TRIM2: variants seen among roughly 807,000 people sequenced by gnomAD.
The protein encoded by TRIM2 is tripartite motif-containing protein 2.
TRIM2 carries 20 observed loss-of-function variants against 75.2 expected under a neutral mutation model. That is an observed-to-expected ratio of 0.27 (90% CI 0.19 to 0.39). The LOEUF (loss-of-function observed/expected upper bound fraction) is 0.39, where lower values mean the gene tolerates loss of function less well. Ranked by LOEUF, TRIM2 falls within the 10% of genes least tolerant of loss-of-function variation. The pLI is 1.00. For missense variants in TRIM2, 660 were observed against 990.8 expected (o/e 0.67, Z 4.48); for synonymous variants, 373 against 388.3 (o/e 0.96, Z 0.46).
chr4:153,295,609 G>C lies in TRIM2; in HGVS notation c.1083G>C (p.Gly361=). The change falls in exon 6 of 12, where the codon GGG becomes GGC. Residue 361 remains glycine, a synonymous_variant. Coordinates refer to ENST00000338700, the MANE Select transcript of TRIM2 (RefSeq NM_015271.5). The surrounding 1 kb of genome is among the most constrained non-coding windows in gnomAD (Gnocchi z 7.2). ...CAGAGACAGTGGCCACGGGCGAGGG[G>C]CTGCGGCAGACCATCATCGGGCAGC... ...VASETVATGE[G]LRQTIIGQPM... 2.5e-6 allele frequency: 4 copies of C among 1,614,006 alleles called. No homozygotes were observed. The highest frequency in any genetic ancestry group is 3.4e-6 in the Non-Finnish European group (4 of 1,180,000).
intron 1 of TRIM2, among the ~76,000 whole-genome samples, chr4:153,237,462 C>T (rs539934141): frequency 4.6e-5 from 7 of 152,132 alleles, no homozygotes; most frequent in Non-Finnish European, 8.8e-5. Context: ...GGGCGGATCA[C>T]GAGGTCAGGA....
intron 3 of TRIM2, among the ~76,000 whole-genome samples, chr4:153,288,220 T>G (rs781575435): frequency 1.2e-4 from 19 of 152,156 alleles, no homozygotes; most frequent in Non-Finnish European, 2.6e-4. Flanking sequence ...GCGGATCACC[T>G]GAGGTCAGGA....
intron 1 of TRIM2, among the ~76,000 whole-genome samples, chr4:153,215,450 G>T (rs530730247): frequency 7.2e-5 from 11 of 152,040 alleles, no homozygotes; most frequent in South Asian, 2.1e-4. Context: ...ACATTTTCTG[G>T]TTTTTGTGGG....
At chr4:153,281,915 C>A (rs1252519028) in intron 3 of TRIM2, among the ~76,000 whole-genome samples, 1 of 152,216 alleles carries the variant, frequency 6.6e-6, no homozygotes, top group African/African-American at 2.4e-5. Flanking sequence ...GTCAAAGGTG[C>A]AAAGGAGAGG....
chr4:153,163,420 G>A (rs1302538875), intron 1 of TRIM2, among the ~76,000 whole-genome samples: 1 of 150,180 alleles, frequency 6.7e-6, no homozygotes, highest in Non-Finnish European at 1.5e-5. Flanking sequence ...CTGGCCTCAA[G>A]CTATCTTCCT....
At chr4:153,333,442 C>A (rs909345919) in intron 11 of TRIM2, among the ~76,000 whole-genome samples, 3 of 152,128 alleles carry the variant, frequency 2.0e-5, no homozygotes, top group African/African-American at 7.2e-5. Context: ...ACACACACAA[C>A]CCAAAGTCAA....
intron 1 of TRIM2, among the ~76,000 whole-genome samples, chr4:153,175,215 T>G (rs988171893): frequency 6.6e-6 from 1 of 151,892 alleles, no homozygotes; most frequent in African/African-American, 2.4e-5. Context: ...AGAGACAGGG[T>G]TTCACCATAT....
chr4:153,311,277 T>A (rs1247356346), intron 6 of TRIM2, among the ~76,000 whole-genome samples: 1 of 152,192 alleles, frequency 6.6e-6, no homozygotes, highest in Non-Finnish European at 1.5e-5. Flanking sequence ...ATGTCCATAT[T>A]TTCAAAAGGA....
chr4:153,234,198 T>C (rs956220893), intron 1 of TRIM2, among the ~76,000 whole-genome samples: 1 of 152,192 alleles, frequency 6.6e-6, no homozygotes, highest in Non-Finnish European at 1.5e-5. Flanking sequence ...GATTGAATTC[T>C]CATCATTTTA....
At position 153,205,063 on chromosome 4, in the gene TRIM2, G is replaced by C. The variant is rs569145912; in HGVS notation, c.30+503G>C. 3.9e-5 allele frequency among the ~76,000 whole-genome samples: 6 copies of C among 152,328 alleles called. No homozygotes were observed. The East Asian group carries it at 1.2e-3, about 29-fold the overall frequency. On this transcript the variant is annotated intron_variant, in intron 1 of 11. Coordinates refer to ENST00000338700, the MANE Select transcript of TRIM2 (RefSeq NM_015271.5). ...TATTCAGAAATGTGGGAACAGTTTA[G>C]AGCAGACAGGAGACTGTAAAGTTTT...
intron 6 of TRIM2, among the ~76,000 whole-genome samples, chr4:153,312,287 G>A (rs1198156986): frequency 1.3e-5 from 2 of 151,890 alleles, no homozygotes; most frequent in Non-Finnish European, 2.9e-5. Context: ...GTGTATATGT[G>A]CCACATTTTC....
chr4:153,307,811 G>A, intron 6 of TRIM2: 1 of 727,782 alleles, frequency 1.4e-6, no homozygotes, highest in South Asian at 1.4e-5. Context: ...CTTGCTGGAT[G>A]TAATAGTACA....
intron 3 of TRIM2, among the ~76,000 whole-genome samples, chr4:153,278,797 CAAA>C (rs5863036): frequency 1.1e-4 from 14 of 123,046 alleles, no homozygotes; most frequent in African/African-American, 3.8e-4. Flanking sequence ...GACTCTATCT[CAAA>C]AAAAAAAAAA....
intron 1 of TRIM2, among the ~76,000 whole-genome samples, chr4:153,238,291 C>T (rs914051352): frequency 6.6e-6 from 1 of 152,144 alleles, no homozygotes; most frequent in Non-Finnish European, 1.5e-5. Flanking sequence ...TTACATGTTT[C>T]GTTAAGTACT....
chr4:153,219,258 T>G (rs28484806), intron 1 of TRIM2, among the ~76,000 whole-genome samples: 19,691 of 152,070 alleles, frequency 0.13, 1,282 homozygotes, highest in Admixed American at 0.16. Context: ...CAGACCCAAC[T>G]GTTGAGGAGT....
At chr4:153,310,488 C>T (rs1766034865) in intron 6 of TRIM2, among the ~76,000 whole-genome samples, 1 of 152,178 alleles carries the variant, frequency 6.6e-6, no homozygotes, top group Non-Finnish European at 1.5e-5. Flanking sequence ...TAATGACAAT[C>T]TACTGTAGTG....
At chr4:153,307,840 T>C in intron 6 of TRIM2, 2 of 733,348 alleles carry the variant, frequency 2.7e-6, no homozygotes, top group Non-Finnish European at 2.6e-6. Flanking sequence ...CTATACTTTC[T>C]CTTGAATTCA....
chr4:153,218,288 G>C (rs899398604), intron 1 of TRIM2, among the ~76,000 whole-genome samples: 3 of 152,154 alleles, frequency 2.0e-5, no homozygotes, highest in African/African-American at 7.2e-5. Context: ...GCTCACTGCA[G>C]CCTTTTGCTC....
chr4:153,308,827 A>G (rs1252222161), intron 6 of TRIM2: 16 of 405,772 alleles, frequency 3.9e-5, no homozygotes, highest in Non-Finnish European at 7.8e-5. Context: ...CTGAAAATAT[A>G]TTATTTTATG....
Sources: gnomAD v4.1 joint callset for allele counts (sites outside exome capture counted in the v4.1 genomes callset) on GRCh38, gnomAD v4.1.1 for gene constraint, Gnocchi (gnomAD v3.1) non-coding constraint, MANE v1.5 for transcripts, NCBI Gene and HGNC (gene_info 2026-07-23, HGNC 2026-07-21) for gene names.